The following NEMP2 variants were observed in gnomAD, a reference collection of about 807,000 sequenced individuals.
NEMP2 encodes the protein UPF0571 transmembrane protein.
In NEMP2, 53 loss-of-function variants were observed where a neutral mutation model predicts 54.2. The ratio of observed to expected loss-of-function variants is 0.98; its 90% CI spans 0.78 to 1.23. The LOEUF (loss-of-function observed/expected upper bound fraction) is 1.23, where lower values mean the gene tolerates loss of function less well. Ranked by LOEUF, NEMP2 falls within the 50% of genes most tolerant of loss-of-function variation. The pLI, the probability that NEMP2 is intolerant of heterozygous loss-of-function variation, is 0.00. For synonymous variants in NEMP2, 197 were observed against 190.3 expected (o/e 1.04, Z -0.29); for missense variants, 455 against 511.3 (o/e 0.89, Z 1.06).
At chr2:190,428,819 T>C in the NEMP2 span, among the ~76,000 whole-genome samples, 33 of 151,852 alleles carry the variant, frequency 2.2e-4, no homozygotes, top group Admixed American at 2.2e-3. Context: ...ATTACAGGCA[T>C]CTGCCACCAT....
the NEMP2 span, among the ~76,000 whole-genome samples, chr2:190,588,583 T>C: frequency 6.6e-6 from 1 of 152,124 alleles, no homozygotes; most frequent in African/African-American, 2.4e-5. The surrounding 1 kb of genome is among the most constrained non-coding windows in gnomAD (Gnocchi z 5.0). Flanking sequence ...GCAGGGTTCA[T>C]AGTGGGGAAA....
the NEMP2 span, among the ~76,000 whole-genome samples, chr2:190,433,852 A>G: frequency 6.6e-6 from 1 of 152,224 alleles, no homozygotes; most frequent in Non-Finnish European, 1.5e-5. The surrounding 1 kb of genome is among the most constrained non-coding windows in gnomAD (Gnocchi z 4.5). Context: ...AGCAAGATCT[A>G]TTCCAAGGGG....
At chr2:190,586,131 CAT>C in the NEMP2 span, among the ~76,000 whole-genome samples, 1 of 152,130 alleles carries the variant, frequency 6.6e-6, no homozygotes, top group African/African-American at 2.4e-5. This position sits in a 1 kb window ranked among gnomAD's most constrained non-coding sequence, Gnocchi z 4.5. Context: ...CTTTCAAAAA[CAT>C]ATTCAATGCC....
At chr2:190,492,945 G>A in the NEMP2 span, among the ~76,000 whole-genome samples, 4 of 151,348 alleles carry the variant, frequency 2.6e-5, no homozygotes, top group Non-Finnish European at 2.9e-5. The surrounding 1 kb of genome is among the most constrained non-coding windows in gnomAD (Gnocchi z 5.2). Flanking sequence ...AATCTCACAG[G>A]ACCTATAAAA....
chr2:190,571,085 A>G, the NEMP2 span, among the ~76,000 whole-genome samples: 1 of 152,136 alleles, frequency 6.6e-6, no homozygotes, highest in Non-Finnish European at 1.5e-5. Flanking sequence ...TGACCTTGGG[A>G]AAGTTGCTTG....
chr2:190,588,004 T>A, the NEMP2 span, among the ~76,000 whole-genome samples: 1 of 152,062 alleles, frequency 6.6e-6, no homozygotes, highest in Non-Finnish European at 1.5e-5. The surrounding 1 kb of genome is among the most constrained non-coding windows in gnomAD (Gnocchi z 5.0). Flanking sequence ...CCCAGACAAA[T>A]CATTGGAACT....
chr2:190,534,666 G>T lies in NEMP2; in HGVS notation c.-11C>A, dbSNP rs953184618. On this transcript the variant is annotated 5_prime_UTR_variant, in exon 1 of 9. Transcript: ENST00000409150. ...TTGGCGCGGCCCCATTTCGTTAGGG[G>T]TCAGCTCCGTGCGACCCGAGCCCTA... The T allele has an allele frequency of 3.1e-6, 4 of 1,275,514 alleles. No homozygotes were observed. The highest frequency in any genetic ancestry group is 3.1e-5 in the African/African-American group (2 of 64,606). The allele number at this position is 1,275,514 out of a possible 1,614,324, so 79.0% of individuals were successfully genotyped here. A position where few individuals can be genotyped will look rare whatever the true frequency, so the allele number is the denominator to read the frequency against.
chr2:190,449,872 G>A, the NEMP2 span, among the ~76,000 whole-genome samples: 2 of 152,028 alleles, frequency 1.3e-5, no homozygotes, highest in Admixed American at 6.6e-5. Flanking sequence ...TGTGGGGTGG[G>A]GGAAGGGGGG....
the NEMP2 span, chr2:190,443,137 C>T: frequency 6.6e-6 from 1 of 152,192 alleles, no homozygotes; most frequent in South Asian, 2.1e-4. The surrounding 1 kb of genome is among the most constrained non-coding windows in gnomAD (Gnocchi z 4.2). Context: ...ATCACCTGAG[C>T]CAGGAACCCT....
the NEMP2 span, among the ~76,000 whole-genome samples, chr2:190,563,274 C>T: frequency 6.6e-6 from 1 of 152,090 alleles, no homozygotes; most frequent in Admixed American, 6.5e-5. The surrounding 1 kb of genome is among the most constrained non-coding windows in gnomAD (Gnocchi z 4.3). Context: ...TCCTCCCACA[C>T]AGGCCCAGTG....
At chr2:190,621,736 C>G in the NEMP2 span, among the ~76,000 whole-genome samples, 1 of 152,036 alleles carries the variant, frequency 6.6e-6, no homozygotes, top group Admixed American at 6.6e-5. Flanking sequence ...TGGAAAGAAA[C>G]CTTCACATGA....
rs142548776 is a variant in NEMP2 at position 190,531,554 on chromosome 2, A to G, written c.97+3005T>C. The stretch of plus-strand genomic sequence containing the variant: ...GTTACAGGAGGCATTAATTATTTAC[A>G]TTACCAAAGGATTCAGAAAGTCAGG... On this transcript the variant is annotated intron_variant, in intron 1 of 8. Transcript: ENST00000409150. This position sits in a 1 kb window ranked among gnomAD's most constrained non-coding sequence, Gnocchi z 4.7. 6.6e-6 allele frequency among the ~76,000 whole-genome samples: 1 copy of G among 152,342 alleles called. No homozygotes were observed. The highest frequency in any genetic ancestry group is 1.9e-4 in the East Asian group (1 of 5,192).
rs1308926656 is a variant in NEMP2 at position 190,534,569 on chromosome 2, TGCC to T, written c.84_86del (p.Ala30del). ...CCGGTCCCGGGTTACCTGATAACGC[TGCC>T]GCCGCCGCCTCCCCGCGCACGGGCA... On this transcript the variant is annotated inframe_deletion, in exon 1 of 9. Coordinates refer to ENST00000409150, the MANE Select transcript of NEMP2 (RefSeq NM_001142645.2). 25 of 1,400,974 alleles carry T rather than the reference TGCC, an allele frequency of 1.8e-5. No individual in the cohort carries two copies. The highest frequency in any genetic ancestry group is 6.1e-5 in the South Asian group (4 of 65,394). The allele number at this position is 1,400,974 out of a possible 1,614,324, so 86.8% of individuals were successfully genotyped here.
the NEMP2 span, among the ~76,000 whole-genome samples, chr2:190,430,247 T>TC: frequency 6.7e-6 from 1 of 149,834 alleles, no homozygotes; most frequent in Non-Finnish European, 1.5e-5. Context: ...TGGGTGTTTC[T>TC]CGCAGAGGGG....
the NEMP2 span, among the ~76,000 whole-genome samples, chr2:190,620,889 T>C: frequency 3.3e-5 from 5 of 152,154 alleles, no homozygotes; most frequent in Admixed American, 6.5e-5. This position sits in a 1 kb window ranked among gnomAD's most constrained non-coding sequence, Gnocchi z 4.9. Context: ...TAAAAAACTA[T>C]TGGAAGTATT....
Position 190,506,084 on chromosome 2 carries a change from G to A in NEMP2, c.*3105C>T, listed in dbSNP as rs762655418. The A allele has an allele frequency of 2.0e-5, 3 of 152,122 alleles. No homozygotes were observed. Among genetic ancestry groups the A allele is most frequent in the Non-Finnish European group, 4.4e-5 (3 of 68,034 alleles). 9.4% of individuals were successfully genotyped at this position (152,122 alleles called of 1,614,324 possible). On this transcript the variant is annotated 3_prime_UTR_variant, in exon 9 of 9. Transcript: ENST00000409150. The surrounding 1 kb of genome is among the most constrained non-coding windows in gnomAD (Gnocchi z 6.3). ...TATCCTTATGCTAGTTATATTTTTG[G>A]TTGTGAATCACTACCTGTACCAACT...
At chr2:190,640,988 G>C in the NEMP2 span, 5 of 151,990 alleles carry the variant, frequency 3.3e-5, no homozygotes, top group East Asian at 9.6e-4. Flanking sequence ...ACTGGCTGCT[G>C]TTTCTCTGCC....
Position 190,507,602 on chromosome 2 carries a change from T to C in NEMP2, c.*1587A>G, listed in dbSNP as rs1690223354. ...AAATCTGAATGGAAAATATATCCTT[T>C]GGTTTTTTAAAAATCCAAGTCTATA... On this transcript the variant is annotated 3_prime_UTR_variant, in exon 9 of 9. Coordinates refer to ENST00000409150, the MANE Select transcript of NEMP2 (RefSeq NM_001142645.2). This position sits in a 1 kb window ranked among gnomAD's most constrained non-coding sequence, Gnocchi z 4.4. The C allele has an allele frequency of 6.6e-6, 1 of 152,178 alleles. No homozygotes were observed. The allele number at this position is 152,178 out of a possible 1,614,324, so 9.4% of individuals were successfully genotyped here. A position where few individuals can be genotyped will look rare whatever the true frequency, so the allele number is the denominator to read the frequency against.
At chr2:190,611,906 A>G in the NEMP2 span, among the ~76,000 whole-genome samples, 8 of 152,196 alleles carry the variant, frequency 5.3e-5, no homozygotes, top group African/African-American at 1.9e-4. The surrounding 1 kb of genome is among the most constrained non-coding windows in gnomAD (Gnocchi z 5.4). Flanking sequence ...GCAGAAATGC[A>G]GATAAGGTCC....
Sources: allele counts gnomAD v4.1 joint callset (sites outside exome capture counted in the v4.1 genomes callset), GRCh38; gene constraint gnomAD v4.1.1; non-coding constraint Gnocchi (gnomAD v3.1); transcripts MANE v1.5; gene names NCBI Gene and HGNC (gene_info 2026-07-23, HGNC 2026-07-21).